The following ZBTB20 variants were observed in gnomAD, a reference collection of about 807,000 sequenced individuals.
ZBTB20 encodes the protein zinc finger and BTB domain containing 20, also known as zinc finger and BTB domain-containing protein 20.
In ZBTB20, 9 loss-of-function variants were observed where a neutral mutation model predicts 56.9. That is an observed-to-expected ratio of 0.16 (90% CI 0.10 to 0.28). ZBTB20 has a LOEUF of 0.28. ZBTB20 is among the 10% of genes least tolerant of loss of function. The pLI is 1.00. For synonymous variants in ZBTB20, 417 were observed against 420.7 expected (o/e 0.99, Z 0.11); for missense variants, 655 against 1,003.0 (o/e 0.65, Z 4.69).
intron 2 of ZBTB20, among the ~76,000 whole-genome samples, chr3:115,015,991 G>C (rs2079938604): frequency 6.6e-6 from 1 of 151,800 alleles, no homozygotes; most frequent in African/African-American, 2.4e-5. Flanking sequence ...GTTGTTTCTG[G>C]ACTGTTTAAT....
chr3:114,716,055 A>G (rs1462986140), intron 5 of ZBTB20, among the ~76,000 whole-genome samples: 1 of 152,146 alleles, frequency 6.6e-6, no homozygotes, highest in Admixed American at 6.5e-5. Context: ...CAGCCTGTAC[A>G]TGTCCCTTTT....
At position 114,329,206 on chromosome 3, in the gene ZBTB20, A is replaced by G. The variant is rs138705129; in HGVS notation, c.*9799T>C. 6.6e-6 allele frequency: 1 copy of G among 152,318 alleles called. No homozygotes were observed. The highest frequency in any genetic ancestry group is 1.9e-4 in the East Asian group (1 of 5,188). The allele number at this position is 152,318 out of a possible 1,614,324, so 9.4% of individuals were successfully genotyped here. ...AATGGGATGGGATTAGAAAACAACA[A>G]TCTATTAGGAAAGATGAAAGGAAGG... is the stretch of plus-strand genomic sequence containing the variant. On this transcript the variant is annotated 3_prime_UTR_variant, in exon 12 of 12. Coordinates refer to ENST00000675478, the MANE Select transcript of ZBTB20 (RefSeq NM_001348800.3).
chr3:114,509,494 G>C (rs899073685), intron 6 of ZBTB20, among the ~76,000 whole-genome samples: 1 of 151,596 alleles, frequency 6.6e-6, no homozygotes, highest in African/African-American at 2.4e-5. Flanking sequence ...CAAGTATACT[G>C]CTAAAAGGGG....
rs1325513810 is a variant in ZBTB20 at position 114,572,602 on chromosome 3, A to G, written c.-294-72211T>C. Among the ~76,000 whole-genome samples, 7 of 152,334 alleles carry G rather than the reference A, an allele frequency of 4.6e-5. No individual in the cohort carries two copies. The East Asian group carries it at 1.2e-3, about 25-fold the overall frequency. On this transcript the variant is annotated intron_variant, in intron 6 of 11. Transcript: ENST00000675478. ...AGAGAGTAGTTCATTCTCCTGGCAG[A>G]AGGAAAAGAGGGTGAGGTCTGTAAA...
intron 5 of ZBTB20, among the ~76,000 whole-genome samples, chr3:114,764,855 G>A (rs2068678577): frequency 6.6e-6 from 1 of 152,076 alleles, no homozygotes; most frequent in South Asian, 2.1e-4. Flanking sequence ...AGAGCCCTTG[G>A]GAAATGAAAA....
At chr3:115,040,359 A>G (rs1292503491) in intron 2 of ZBTB20, among the ~76,000 whole-genome samples, 3 of 152,176 alleles carry the variant, frequency 2.0e-5, no homozygotes, top group Admixed American at 1.3e-4. Context: ...TTATTCTAGA[A>G]GCCTGTGCTC....
chr3:114,680,052 A>G (rs1921492), intron 6 of ZBTB20, among the ~76,000 whole-genome samples: 148,201 of 152,236 alleles, frequency 0.97, 72,278 homozygotes, highest in East Asian at 1. Flanking sequence ...ACCAAACACC[A>G]CATGTTCTCA....
chr3:114,669,970 A>C (rs915402306), intron 6 of ZBTB20, among the ~76,000 whole-genome samples: 1 of 152,116 alleles, frequency 6.6e-6, no homozygotes, highest in Non-Finnish European at 1.5e-5. Context: ...ATATAAAGGA[A>C]ATTTGAAAAT....
intron 4 of ZBTB20, among the ~76,000 whole-genome samples, chr3:114,883,470 A>T (rs609380): frequency 0.87 from 131,896 of 152,168 alleles, 58,192 homozygotes; most frequent in East Asian, 0.99. Flanking sequence ...GTTGAATCTA[A>T]CCTTGATTAA....
intron 1 of ZBTB20, among the ~76,000 whole-genome samples, chr3:115,102,048 T>C (rs1005337110): frequency 2.6e-5 from 4 of 152,218 alleles, no homozygotes; most frequent in Non-Finnish European, 5.9e-5. Flanking sequence ...ATTTTCAGGG[T>C]GGCTAACCTA....
intron 4 of ZBTB20, among the ~76,000 whole-genome samples, chr3:114,867,492 C>A (rs1044206084): frequency 5.3e-5 from 8 of 152,162 alleles, no homozygotes; most frequent in Admixed American, 1.3e-4. Flanking sequence ...TTGGAGTGCA[C>A]TGGCACAATC....
intron 5 of ZBTB20, among the ~76,000 whole-genome samples, chr3:114,737,183 G>A (rs1031539109): frequency 6.6e-6 from 1 of 152,088 alleles, no homozygotes; most frequent in African/African-American, 2.4e-5. Context: ...TGACACAAAA[G>A]TTTGTGTTTT....
intron 2 of ZBTB20, among the ~76,000 whole-genome samples, chr3:115,000,801 T>G (rs994408988): frequency 2.0e-5 from 3 of 151,502 alleles, no homozygotes; most frequent in African/African-American, 7.3e-5. Context: ...AAAACCTCAT[T>G]ATATATTTTT....
chr3:115,030,735 G>C (rs955115164), intron 2 of ZBTB20, among the ~76,000 whole-genome samples: 1 of 151,218 alleles, frequency 6.6e-6, no homozygotes, highest in South Asian at 2.1e-4. Flanking sequence ...AGTCACCCTA[G>C]AGTATTCTAG....
intron 5 of ZBTB20, among the ~76,000 whole-genome samples, chr3:114,709,616 T>C (rs1056660290): frequency 1.8e-4 from 28 of 152,286 alleles, no homozygotes; most frequent in Admixed American, 9.8e-4. Context: ...TGGAATAGGC[T>C]GCCTGTTGAA....
At chr3:114,358,717 T>A (rs1330370643) in intron 10 of ZBTB20, among the ~76,000 whole-genome samples, 1 of 152,190 alleles carries the variant, frequency 6.6e-6, no homozygotes, top group Non-Finnish European at 1.5e-5. Flanking sequence ...CACCAATTCA[T>A]TAGTGAAACA....
intron 6 of ZBTB20, among the ~76,000 whole-genome samples, chr3:114,508,310 G>C (rs1299537557): frequency 6.6e-6 from 1 of 152,098 alleles, no homozygotes; most frequent in Admixed American, 6.6e-5. Flanking sequence ...TTACCTTTTA[G>C]CTTTGGAGCT....
At chr3:114,356,820 T>C (rs1468422152) in intron 10 of ZBTB20, among the ~76,000 whole-genome samples, 2 of 152,128 alleles carry the variant, frequency 1.3e-5, no homozygotes, top group East Asian at 3.9e-4. Context: ...CCCTGCACTA[T>C]AGGAGGTATA....
intron 7 of ZBTB20, among the ~76,000 whole-genome samples, chr3:114,456,213 G>GGAGA (rs144911044): frequency 6.8e-6 from 1 of 147,294 alleles, no homozygotes; most frequent in Non-Finnish European, 1.5e-5. Context: ...ATATATATAT[G>GGAGA]GAGAGAGAGA....
Sources: gnomAD v4.1 joint callset for allele counts (sites outside exome capture counted in the v4.1 genomes callset) on GRCh38, gnomAD v4.1.1 for gene constraint, MANE v1.5 for transcripts, NCBI Gene and HGNC (gene_info 2026-07-23, HGNC 2026-07-21) for gene names.